The following SP140 variants were observed in gnomAD, a reference collection of about 807,000 sequenced individuals.
The protein encoded by SP140 is nuclear body protein SP140.
SP140 carries 81 observed loss-of-function variants against 125.0 expected under a neutral mutation model. The ratio of observed to expected loss-of-function variants is 0.65; its 90% CI spans 0.54 to 0.78. The LOEUF is 0.78. Ranked by LOEUF, SP140 falls within the 30% of genes least tolerant of loss-of-function variation. SP140 has a pLI of 0.00. For synonymous variants in SP140, 312 were observed against 354.0 expected (o/e 0.88, Z 1.33); for missense variants, 858 against 1,037.0 (o/e 0.83, Z 2.37).
chr2:230,200,414 G>A (rs2043077841), upstream of SP140: 1 of 185,772 alleles, frequency 5.4e-6, no homozygotes, highest in South Asian at 9.7e-5. Context: ...CAGTCATAGT[G>A]TCACATGTGT....
At chr2:230,243,843 T>A in intron 5 of SP140, 32 bp downstream of exon 5, 1 of 1,451,600 alleles carries the variant, frequency 6.9e-7, no homozygotes, top group African/African-American at 1.4e-5. Flanking sequence ...CTCCCTGACC[T>A]GCAGGGTGTC....
intron 22 of SP140, among the ~76,000 whole-genome samples, chr2:230,309,646 A>G (rs571459667): frequency 6.6e-6 from 1 of 152,334 alleles, no homozygotes; most frequent in Non-Finnish European, 1.5e-5. Flanking sequence ...TTCCTATAAA[A>G]TCATCATCTT....
intron 9 of SP140, among the ~76,000 whole-genome samples, chr2:230,250,362 C>T (rs142088854): frequency 1.7e-4 from 26 of 152,248 alleles, no homozygotes; most frequent in African/African-American, 5.5e-4. Flanking sequence ...TATCATCTGT[C>T]CCATCTCTAC....
At chr2:230,202,539 A>T (rs189972804), upstream of SP140, 1 of 1,607,758 alleles carries the variant, frequency 6.2e-7, no homozygotes, top group Non-Finnish European at 8.5e-7. Context: ...ACCCTCCCAC[A>T]CTGAGCCATT....
At chr2:230,316,553 T>C (rs1174668619), downstream of SP140, among the ~76,000 whole-genome samples, 5 of 152,236 alleles carry the variant, frequency 3.3e-5, no homozygotes, top group Non-Finnish European at 5.9e-5. Context: ...GTCACATCAA[T>C]AAATACAGCT....
intron 21 of SP140, among the ~76,000 whole-genome samples, chr2:230,295,831 C>T (rs2057655730): frequency 6.6e-6 from 1 of 152,194 alleles, no homozygotes; most frequent in Non-Finnish European, 1.5e-5. Flanking sequence ...CTAATGTTTG[C>T]TTAAGAGCCT....
chr2:230,238,492 T>G (rs1401628855), intron 3 of SP140, 111 bp downstream of exon 3: 2 of 1,065,536 alleles, frequency 1.9e-6, no homozygotes, highest in Non-Finnish European at 2.7e-6. Flanking sequence ...GACTATTACA[T>G]GCCAAGCCCA....
chr2:230,216,371 C>T (rs2045175514), intron 3 of SP140, among the ~76,000 whole-genome samples: 1 of 152,156 alleles, frequency 6.6e-6, no homozygotes, highest in Non-Finnish European at 1.5e-5. Flanking sequence ...GAGATGAAAA[C>T]ATATCAGAGT....
At chr2:230,234,721 C>T (rs1404249676) in intron 1 of SP140, among the ~76,000 whole-genome samples, 1 of 152,102 alleles carries the variant, frequency 6.6e-6, no homozygotes, top group Non-Finnish European at 1.5e-5. Flanking sequence ...AATTTTCATT[C>T]ACTTTTTAAA....
intron 1 of SP140, among the ~76,000 whole-genome samples, chr2:230,206,257 GCTCCT>G (rs1450969543): frequency 6.6e-6 from 1 of 151,878 alleles, no homozygotes; most frequent in Non-Finnish European, 1.5e-5. Flanking sequence ...CACACAACTG[GCTCCT>G]GCCTCCATCA....
chr2:230,261,813 G>A (rs6755306), intron 12 of SP140, among the ~76,000 whole-genome samples: 27,315 of 152,000 alleles, frequency 0.18, 2,881 homozygotes, highest in Non-Finnish European at 0.24. Flanking sequence ...CTACTTCATC[G>A]TCGTGGATTA....
At chr2:230,190,378 C>G in the SP140 span, among the ~76,000 whole-genome samples, 1 of 151,020 alleles carries the variant, frequency 6.6e-6, no homozygotes, top group African/African-American at 2.4e-5. Context: ...CTGTTCATAT[C>G]CTTTGCCCAT....
At chr2:230,264,497 C>T (rs963409346) in intron 12 of SP140, among the ~76,000 whole-genome samples, 4 of 152,066 alleles carry the variant, frequency 2.6e-5, no homozygotes, top group Non-Finnish European at 2.9e-5. Flanking sequence ...CTTCTTGGTT[C>T]GGATCCATTG....
chr2:230,259,175 G>T (rs972563042), intron 12 of SP140, among the ~76,000 whole-genome samples: 2 of 152,078 alleles, frequency 1.3e-5, no homozygotes, highest in African/African-American at 4.8e-5. Context: ...GTGGTGATTT[G>T]TGAGATTTTG....
intron 22 of SP140, among the ~76,000 whole-genome samples, chr2:230,308,258 G>A (rs984458377): frequency 4.6e-5 from 7 of 151,820 alleles, no homozygotes; most frequent in Non-Finnish European, 1.0e-4. Context: ...AGGAGGGTGA[G>A]GGATAAAAGA....
At chr2:230,201,887 G>T (rs1011657843), upstream of SP140, among the ~76,000 whole-genome samples, 5 of 152,210 alleles carry the variant, frequency 3.3e-5, no homozygotes, top group African/African-American at 1.2e-4. Context: ...GAGTGTTGGT[G>T]TAGTATTAAA....
At chr2:230,268,302 T>C (rs896037315) in intron 12 of SP140, among the ~76,000 whole-genome samples, 1 of 152,018 alleles carries the variant, frequency 6.6e-6, no homozygotes, top group African/African-American at 2.4e-5. Context: ...GATGAGTGGA[T>C]CACCTGAGGT....
intron 12 of SP140, among the ~76,000 whole-genome samples, chr2:230,265,793 G>GAT (rs889134868): frequency 1.1e-4 from 16 of 145,592 alleles, no homozygotes; most frequent in African/African-American, 3.5e-4. Flanking sequence ...AGTTTTACGG[G>GAT]GGGGGGCGGT....
At position 230,309,907 on chromosome 2, in the gene SP140, A is replaced by G; in HGVS notation, c.2059-17A>G. On this transcript the variant is annotated splice_polypyrimidine_tract_variant and intron_variant, in intron 22 of 26. Coordinates refer to ENST00000392045, the MANE Select transcript of SP140 (RefSeq NM_007237.5). The stretch of plus-strand genomic sequence containing the variant: ...TCTTGCGGTTCCCAGTGACGTGGAC[A>G]CTGTTTTATCTTCTAGATGAGAAAC... 2 of 1,612,784 alleles carry G rather than the reference A, an allele frequency of 1.2e-6. No homozygotes were observed. The highest frequency in any genetic ancestry group is 1.7e-6 in the Non-Finnish European group (2 of 1,179,766).
Sources: allele counts gnomAD v4.1 joint callset (sites outside exome capture counted in the v4.1 genomes callset), GRCh38; gene constraint gnomAD v4.1.1; transcripts MANE v1.5; gene names NCBI Gene and HGNC (gene_info 2026-07-23, HGNC 2026-07-21).